Variants in PDE1C observed in about 807,000 individuals in gnomAD.
The protein encoded by PDE1C is dual specificity calcium/calmodulin-dependent 3',5'-cyclic nucleotide phosphodiesterase 1C.
Under a neutral mutation model 93.1 loss-of-function variants are expected in PDE1C, and 62 were observed. The observed-to-expected ratio is 0.67, with a 90% CI of 0.54 to 0.82. The LOEUF (loss-of-function observed/expected upper bound fraction) is 0.82. Among genes scored for constraint, PDE1C ranks in the 40% least tolerant of loss-of-function variants. The probability of loss-of-function intolerance (pLI) is 0.00; values close to 1 mark genes in which losing one functional copy is unlikely to be tolerated. For synonymous variants in PDE1C, 325 were observed against 310.1 expected (o/e 1.05, Z -0.50); for missense variants, 742 against 884.6 (o/e 0.84, Z 2.04).
chr7:31,801,885 T>C (rs1786097055), intron 16 of PDE1C, among the ~76,000 whole-genome samples: 1 of 151,506 alleles, frequency 6.6e-6, no homozygotes, highest in East Asian at 1.9e-4. Context: ...TGATTGTTTT[T>C]GTTTTTATTT....
downstream of PDE1C, among the ~76,000 whole-genome samples, chr7:31,748,195 G>A (rs1001030380): frequency 6.6e-6 from 1 of 152,210 alleles, no homozygotes; most frequent in African/African-American, 2.4e-5. Flanking sequence ...TTCTCTTACT[G>A]TCATAATTTT....
chr7:32,366,744 A>G (rs1237494298), intron 1 of PDE1C, among the ~76,000 whole-genome samples: 2 of 152,204 alleles, frequency 1.3e-5, no homozygotes, highest in Non-Finnish European at 2.9e-5. Context: ...CTTATAGGCC[A>G]GGAGAGAACA....
the PDE1C span, among the ~76,000 whole-genome samples, chr7:31,680,833 G>C: frequency 6.6e-6 from 1 of 152,142 alleles, no homozygotes; most frequent in Non-Finnish European, 1.5e-5. Flanking sequence ...TGCAAAAACT[G>C]AGTGAAAGGG....
intron 1 of PDE1C, among the ~76,000 whole-genome samples, chr7:32,058,619 C>G (rs1794414646): frequency 6.6e-6 from 1 of 152,192 alleles, no homozygotes; most frequent in Non-Finnish European, 1.5e-5. Context: ...AATGGAAAGT[C>G]TTTGTACATT....
At chr7:31,780,459 T>C (rs1783322078) in intron 16 of PDE1C, among the ~76,000 whole-genome samples, 1 of 152,256 alleles carries the variant, frequency 6.6e-6, no homozygotes, top group South Asian at 2.1e-4. Flanking sequence ...GTTCCATCTA[T>C]GCTAGCTCTA....
At chr7:32,195,859 C>T (rs1315080017) in intron 2 of PDE1C, among the ~76,000 whole-genome samples, 1 of 152,174 alleles carries the variant, frequency 6.6e-6, no homozygotes, top group East Asian at 1.9e-4. Context: ...GCTTCCATTG[C>T]TCCATTGACA....
At chr7:32,217,623 T>C (rs1005166209) in intron 1 of PDE1C, among the ~76,000 whole-genome samples, 2 of 152,138 alleles carry the variant, frequency 1.3e-5, no homozygotes, top group African/African-American at 4.8e-5. Context: ...TTGTGACACA[T>C]GACCAAAGCC....
At chr7:32,084,145 G>T (rs1349982155) in intron 3 of PDE1C, among the ~76,000 whole-genome samples, 1 of 152,046 alleles carries the variant, frequency 6.6e-6, no homozygotes, top group Non-Finnish European at 1.5e-5. Context: ...CAAGATAAAA[G>T]GATGGAGGAA....
At chr7:32,068,158 C>A (rs1335198512) in intron 1 of PDE1C, among the ~76,000 whole-genome samples, 2 of 152,128 alleles carry the variant, frequency 1.3e-5, no homozygotes, top group East Asian at 3.9e-4. Context: ...TATGAAAATC[C>A]AATTATGGTT....
In PDE1C at chr7:31,753,436, CTCT is replaced by C; in HGVS notation, c.2075_2077del (p.Gln692del). 6.2e-7 allele frequency: 1 copy of C among 1,612,274 alleles called. No individual in the cohort carries two copies. The highest frequency in any genetic ancestry group is 8.5e-7 in the Non-Finnish European group (1 of 1,179,588). ...GTTCTGAATCTTTTTCATTTTGATCCTCTGATCCAGCATCTTGTACCTTGCAGG... is the reference window on the plus strand; with the variant it reads ...GTTCTGAATCTTTTTCATTTTGATCCGATCCAGCATCTTGTACCTTGCAGG... On this transcript the variant is annotated inframe_deletion, in exon 18 of 18. Transcript: ENST00000396191.
At chr7:31,790,304 C>T (rs778709448) in intron 16 of PDE1C, 10 of 1,545,276 alleles carry the variant, frequency 6.5e-6, no homozygotes, top group South Asian at 1.1e-5. Context: ...TGCTGCCTTT[C>T]CCCCCGCCCA....
At chr7:32,411,365 T>C (rs1001701955) in intron 1 of PDE1C, among the ~76,000 whole-genome samples, 2 of 152,228 alleles carry the variant, frequency 1.3e-5, no homozygotes, top group African/African-American at 4.8e-5. Context: ...ACCTGGGCTA[T>C]ATGGTATCTT....
At chr7:32,051,221 C>T (rs1482665216) in intron 2 of PDE1C, among the ~76,000 whole-genome samples, 8 of 152,168 alleles carry the variant, frequency 5.3e-5, no homozygotes, top group Non-Finnish European at 7.3e-5. Context: ...ATAAAGACCG[C>T]TTTGTGCTCC....
chr7:31,956,053 C>G (rs547662660), intron 2 of PDE1C, among the ~76,000 whole-genome samples: 15 of 152,182 alleles, frequency 9.9e-5, no homozygotes, highest in East Asian at 9.7e-4. Flanking sequence ...TGAGGACCAG[C>G]AGAGCTTCTG....
At chr7:32,387,331 CCT>C (rs1414474099) in intron 1 of PDE1C, among the ~76,000 whole-genome samples, 1 of 151,758 alleles carries the variant, frequency 6.6e-6, no homozygotes, top group Non-Finnish European at 1.5e-5. Context: ...ACCCTTCCCG[CCT>C]TTCTATTCCA....
At chr7:32,139,072 G>A (rs956175454) in intron 3 of PDE1C, among the ~76,000 whole-genome samples, 3 of 152,138 alleles carry the variant, frequency 2.0e-5, no homozygotes, top group African/African-American at 7.2e-5. Context: ...TAATTAACCA[G>A]AGTTGATATG....
At chr7:32,300,683 A>C (rs931492752), upstream of PDE1C, among the ~76,000 whole-genome samples, 1 of 152,202 alleles carries the variant, frequency 6.6e-6, no homozygotes, top group Non-Finnish European at 1.5e-5. Context: ...TGACTCCCAG[A>C]TCTTACTATG....
the PDE1C span, among the ~76,000 whole-genome samples, chr7:31,716,393 G>A: frequency 6.6e-6 from 1 of 152,120 alleles, no homozygotes. Context: ...GAGAGAGGGA[G>A]GGTCAGCTAT....
chr7:32,239,419 G>A (rs760648846), intron 1 of PDE1C, among the ~76,000 whole-genome samples: 3 of 151,942 alleles, frequency 2.0e-5, no homozygotes, highest in Non-Finnish European at 2.9e-5. Flanking sequence ...CATAAACAAA[G>A]TGCAATACAA....
Sources: allele counts gnomAD v4.1 joint callset (sites outside exome capture counted in the v4.1 genomes callset), GRCh38; gene constraint gnomAD v4.1.1; transcripts MANE v1.5; gene names NCBI Gene and HGNC (gene_info 2026-07-23, HGNC 2026-07-21).